The following CFAP92 variants were observed in gnomAD, a reference collection of about 807,000 sequenced individuals.
CFAP92 encodes the protein uncharacterized protein CFAP92.
CFAP92 carries 86 observed loss-of-function variants against 106.3 expected under a neutral mutation model. That is an observed-to-expected ratio of 0.81 (90% CI 0.68 to 0.97). CFAP92 has a LOEUF of 0.97. Among genes scored for constraint, CFAP92 ranks in the 50% least tolerant of loss-of-function variants. The probability of loss-of-function intolerance (pLI) is 0.00; values close to 1 mark genes in which losing one functional copy is unlikely to be tolerated. For missense variants in CFAP92, 1,204 were observed against 1,283.8 expected, an observed-to-expected ratio of 0.94 and a Z score of 0.95; for synonymous variants, 477 against 506.4, an observed-to-expected ratio of 0.94 and a Z score of 0.78.
chr3:128,961,932 C>T (rs564004915), intron 9 of CFAP92, among the ~76,000 whole-genome samples: 1 of 152,176 alleles, frequency 6.6e-6, no homozygotes, highest in Non-Finnish European at 1.5e-5. Context: ...ACGCCTGAAC[C>T]GCAGTGGCCA....
intron 4 of CFAP92, among the ~76,000 whole-genome samples, chr3:128,986,708 T>C (rs945099255): frequency 3.3e-5 from 5 of 152,150 alleles, no homozygotes; most frequent in African/African-American, 9.7e-5. Context: ...CAGGTACTAG[T>C]TATTTTTCCT....
At chr3:128,984,823 C>T (rs1208345442) in intron 4 of CFAP92, among the ~76,000 whole-genome samples, 2 of 152,214 alleles carry the variant, frequency 1.3e-5, no homozygotes, top group African/African-American at 4.8e-5. Context: ...ACCTACCAGG[C>T]ATCCAAGAAA....
intron 7 of CFAP92, among the ~76,000 whole-genome samples, chr3:128,973,384 C>T (rs1047398243): frequency 1.5e-4 from 23 of 151,952 alleles, no homozygotes; most frequent in African/African-American, 4.4e-4. Context: ...AGGCCGGGCC[C>T]GGTGGCTCAC....
chr3:128,934,935 TAGG>T (rs1232415192), intron 11 of CFAP92, among the ~76,000 whole-genome samples, 187 bp downstream of exon 11: 1 of 152,200 alleles, frequency 6.6e-6, no homozygotes, highest in African/African-American at 2.4e-5. Flanking sequence ...CAGGCAATTC[TAGG>T]ACATGCCCCA....
chr3:128,997,712 T>A (rs1468431564), upstream of CFAP92, among the ~76,000 whole-genome samples: 8 of 152,246 alleles, frequency 5.3e-5, no homozygotes, highest in Admixed American at 4.6e-4. Context: ...CATTCATCAG[T>A]TAATGGGCAT....
chr3:128,924,256 G>T (rs1937521472), intron 12 of CFAP92, among the ~76,000 whole-genome samples: 1 of 151,950 alleles, frequency 6.6e-6, no homozygotes, highest in Admixed American at 6.6e-5. Context: ...CAAGCTCTGT[G>T]CCAAAGGGTG....
intron 1 of CFAP92, chr3:129,001,528 C>G (rs1052632291): frequency 1.5e-6 from 2 of 1,336,030 alleles, no homozygotes; most frequent in Non-Finnish European, 9.5e-7. Flanking sequence ...AGACCGCGAC[C>G]GCTAAGCCCC....
chr3:129,017,883 A>G, the CFAP92 span, among the ~76,000 whole-genome samples: 1 of 152,198 alleles, frequency 6.6e-6, no homozygotes, highest in Non-Finnish European at 1.5e-5. Context: ...TGAGGCAGAC[A>G]TTTCACTGGA....
At chr3:128,955,032 A>G (rs62265312) in intron 9 of CFAP92, among the ~76,000 whole-genome samples, 12 of 11,372 alleles carry the variant, frequency 1.1e-3, no homozygotes, top group Admixed American at 1.5e-3. Flanking sequence ...CTGCCCGGCC[A>G]CCCCTACTGG....
At chr3:128,978,013 T>C (rs777034853) in intron 5 of CFAP92, 32 bp downstream of exon 5, 3 of 1,613,158 alleles carry the variant, frequency 1.9e-6, no homozygotes, top group Admixed American at 3.3e-5. Flanking sequence ...CGCCTTGCAC[T>C]CAGCTTGTCC....
chr3:129,003,808 G>C, upstream of CFAP92: 1 of 1,462,876 alleles, frequency 6.8e-7, no homozygotes, highest in South Asian at 1.3e-5. Context: ...GACTCTGGAA[G>C]AGCCAGGCGA....
intron 12 of CFAP92, among the ~76,000 whole-genome samples, chr3:128,919,490 C>G (rs1937093579): frequency 6.6e-6 from 1 of 152,100 alleles, no homozygotes; most frequent in African/African-American, 2.4e-5. Flanking sequence ...ATATATGCAC[C>G]TAGCAATATA....
At chr3:128,916,993 A>G (rs891903474) in intron 12 of CFAP92, among the ~76,000 whole-genome samples, 3 of 152,218 alleles carry the variant, frequency 2.0e-5, no homozygotes, top group Non-Finnish European at 2.9e-5. Context: ...GCTCAACTAC[A>G]GTGGCTTGAC....
chr3:128,931,732 GGAAAAAACA>G (rs1938418799), intron 12 of CFAP92, among the ~76,000 whole-genome samples: 1 of 151,800 alleles, frequency 6.6e-6, no homozygotes, highest in South Asian at 2.1e-4. Context: ...TTCCACTAAT[GGAAAAAACA>G]GCCAGGCACA....
intron 12 of CFAP92, among the ~76,000 whole-genome samples, chr3:128,927,518 G>A (rs1386130096): frequency 2.0e-5 from 3 of 151,896 alleles, no homozygotes; most frequent in African/African-American, 7.2e-5. Context: ...TCAGGAGATC[G>A]AGACCATCCT....
chr3:128,935,956 CACA>C (rs1310533709), intron 10 of CFAP92, among the ~76,000 whole-genome samples: 17 of 152,344 alleles, frequency 1.1e-4, no homozygotes, highest in African/African-American at 3.1e-4. Context: ...TCCTGGTAGA[CACA>C]ACATCTTTCA....
chr3:128,950,867 T>C (rs1360547343), intron 9 of CFAP92, among the ~76,000 whole-genome samples: 1 of 152,162 alleles, frequency 6.6e-6, no homozygotes, highest in Non-Finnish European at 1.5e-5. Flanking sequence ...GCACAAACGA[T>C]ACTGTTTGCA....
In CFAP92 at chr3:128,993,276, T is replaced by C; in HGVS notation, c.29A>G (p.Glu10Gly). Reference protein sequence around the residue: MSLHAWEWEEDPASIEPISS... With the variant: MSLHAWEWEGDPASIEPISS... The stretch of plus-strand genomic sequence containing the variant: ...GATGGGCTCTATGCTTGCGGGGTCC[T>C]CTTCCCACTCCCAGGCATGTAGCGA... Residue 10 changes from glutamate to glycine, a missense_variant, in exon 2 of 16, where the codon GAG becomes GGG. Coordinates refer to ENST00000645291, the MANE Select transcript of CFAP92 (RefSeq NM_001394090.1). 6.2e-7 allele frequency: 1 copy of C among 1,613,778 alleles called. No individual in the cohort carries two copies. Among genetic ancestry groups the C allele is most frequent in the South Asian group, 1.1e-5 (1 of 91,068 alleles).
At chr3:128,957,388 T>G (rs1007387662) in intron 9 of CFAP92, among the ~76,000 whole-genome samples, 26 of 152,210 alleles carry the variant, frequency 1.7e-4, no homozygotes, top group African/African-American at 6.3e-4. Context: ...GTTTCTATAT[T>G]TCACTCAAAC....
Sources: gnomAD v4.1 joint callset for allele counts (sites outside exome capture counted in the v4.1 genomes callset) on GRCh38, gnomAD v4.1.1 for gene constraint, MANE v1.5 for transcripts, NCBI Gene and HGNC (gene_info 2026-07-23, HGNC 2026-07-21) for gene names.